Variants in BRCA2 observed in about 807,000 individuals in gnomAD.
The protein encoded by BRCA2 is breast cancer type 2 susceptibility protein.
BRCA2 carries 203 observed loss-of-function variants against 276.7 expected under a neutral mutation model. That is an observed-to-expected ratio of 0.73 (90% CI 0.65 to 0.82). BRCA2 has a LOEUF of 0.82. Ranked by LOEUF, BRCA2 falls within the 40% of genes least tolerant of loss-of-function variation. The probability of loss-of-function intolerance (pLI) is 0.00; values close to 1 mark genes in which losing one functional copy is unlikely to be tolerated. For missense variants in BRCA2, 3,920 were observed against 3,915.0 expected (o/e 1.00, Z -0.03); for synonymous variants, 1,289 against 1,338.4 (o/e 0.96, Z 0.81).
At chr13:32,322,146 ACCCATC>A (rs1179033690) in intron 3 of BRCA2, among the ~76,000 whole-genome samples, 1 of 152,170 alleles carries the variant, frequency 6.6e-6, no homozygotes, top group East Asian at 1.9e-4. Context: ...CCACCTGCTC[ACCCATC>A]CCTCCTCCTG....
At chr13:32,357,591 T>C in intron 15 of BRCA2, 151 bp from the exon 16 acceptor site, 1 of 742,664 alleles carries the variant, frequency 1.3e-6, no homozygotes, top group Non-Finnish European at 2.1e-6. Context: ...TAGTTTCTAG[T>C]AAATAACTTA....
chr13:32,392,772 G>T (rs1383162626), intron 24 of BRCA2, among the ~76,000 whole-genome samples: 1 of 151,984 alleles, frequency 6.6e-6, no homozygotes, highest in East Asian at 1.9e-4. Flanking sequence ...TACCCATACT[G>T]TAGATGTATT....
At position 32,338,622 on chromosome 13, in the gene BRCA2, A is replaced by G. The variant is rs779130725; in HGVS notation, c.4267A>G (p.Thr1423Ala). 1 of 1,597,086 alleles carries G rather than the reference A, an allele frequency of 6.3e-7. No individual in the cohort carries two copies. Among genetic ancestry groups the G allele is most frequent in the South Asian group, 1.1e-5 (1 of 88,190 alleles). Residue 1423 changes from threonine to alanine, a missense_variant, in exon 11 of 27, where the codon ACT becomes GCT. Thr to Ala is a moderately conservative substitution (Grantham distance 58, BLOSUM62 0). This residue lies in a region of BRCA2 where 3,263 missense variants were observed against 3,156.9 expected (regional missense o/e 1.03). Coordinates refer to ENST00000380152, the MANE Select transcript of BRCA2 (RefSeq NM_000059.4). The part of the protein sequence containing the change: ...KTEQNIKDFE[T>A]SDTFFQTASG... The stretch of plus-strand genomic sequence containing the variant: ...GGAGCAAAATATAAAAGATTTTGAG[A>G]CTTCTGATACATTTTTTCAGACTGC...
intron 18 of BRCA2, among the ~76,000 whole-genome samples, chr13:32,369,834 A>G (rs2072815186): frequency 6.6e-6 from 1 of 152,210 alleles, no homozygotes; most frequent in Non-Finnish European, 1.5e-5. Flanking sequence ...TCGGCCTCCC[A>G]AAGTGTTGGG....
rs1315646355 is a variant in BRCA2, at chr13:32,316,624, A to T, written c.67+97A>T. On this transcript the variant is annotated intron_variant, in intron 2 of 26. Coordinates refer to ENST00000380152, the MANE Select transcript of BRCA2 (RefSeq NM_000059.4). The stretch of plus-strand genomic sequence containing the variant: ...CCCAGTACGTCACAGTGTTGCTTAG[A>T]ACCATAAACTGTTCCTTATGTGTGT... 4 of 1,029,526 alleles carry T rather than the reference A, an allele frequency of 3.9e-6. No homozygotes were observed. The African/African-American group carries it at 6.4e-5, about 17-fold the overall frequency. 63.8% of individuals were successfully genotyped at this position (1,029,526 alleles called of 1,614,324 possible).
In BRCA2 at chr13:32,330,162, A is replaced by G. The variant is rs11571631; in HGVS notation, c.681+670A>G. On this transcript the variant is annotated intron_variant, in intron 8 of 26. Coordinates refer to ENST00000380152, the MANE Select transcript of BRCA2 (RefSeq NM_000059.4). ...TTACTGAAGTTTTCGTTTAGGCTCT[A>G]TGCTTTCTGGCGTAATATGTAGCTG... Among the ~76,000 whole-genome samples the G allele has an allele frequency of 7.8e-3, 1,186 of 152,274 alleles. 15 individuals are homozygous for G. Among genetic ancestry groups the G allele is most frequent in the African/African-American group, 0.027 (1,142 of 41,550 alleles).
chr13:32,342,577 C>A (rs1296903679), intron 11 of BRCA2, among the ~76,000 whole-genome samples: 2 of 152,138 alleles, frequency 1.3e-5, no homozygotes, highest in Non-Finnish European at 2.9e-5. Flanking sequence ...AGTATACTTA[C>A]ACAAACCTAG....
rs779020831 is a variant in BRCA2 at position 32,340,125 on chromosome 13, A to G, written c.5770A>G (p.Ile1924Val). The change falls in exon 11 of 27, where the codon ATT (isoleucine) becomes GTT (valine). Residue 1924 changes from isoleucine (I) to valine (V), a missense_variant. Physicochemically the swap from Ile to Val is conservative, Grantham distance 29. Around this residue, in one of 2 missense-constraint regions of BRCA2, gnomAD observed 3,263 missense variants for 3,156.9 expected, o/e 1.03. Coordinates refer to ENST00000380152, the MANE Select transcript of BRCA2 (RefSeq NM_000059.4). ...GCATTCACATAAGGTTTTTGCTGACATTCAGAGTGAAGAAATTTTACAACA... is the reference window on the plus strand; with the variant it reads ...GCATTCACATAAGGTTTTTGCTGACGTTCAGAGTGAAGAAATTTTACAACA... ...STHSHKVFAD[I>V]QSEEILQHNQ... The G allele has an allele frequency of 1.9e-6, 3 of 1,613,496 alleles. No homozygotes were observed. Among genetic ancestry groups the G allele is most frequent in the Non-Finnish European group, 2.5e-6 (3 of 1,179,708 alleles).
chr13:32,365,277 C>T (rs1331533150), intron 18 of BRCA2, among the ~76,000 whole-genome samples: 1 of 151,880 alleles, frequency 6.6e-6, no homozygotes, highest in Non-Finnish European at 1.5e-5. Flanking sequence ...GCTGGGATTA[C>T]AGACATGAAC....
At position 32,398,556 on chromosome 13, in the gene BRCA2, A is replaced by G. The variant is rs761094613; in HGVS notation, c.10043A>G (p.Asn3348Ser). The change falls in exon 27 of 27, where the codon AAT (asparagine) becomes AGT (serine). Residue 3348 changes from asparagine to serine, a missense_variant. By Grantham distance (46) the Asn-to-Ser change is conservative (BLOSUM62 1). Coordinates refer to ENST00000380152, the MANE Select transcript of BRCA2 (RefSeq NM_000059.4). ...SIADEELALI[N>S]TQALLSGSTG... The stretch of plus-strand genomic sequence containing the variant: ...GCTGACGAAGAACTTGCATTGATAA[A>G]TACCCAAGCTCTTTTGTCTGGTTCA... The G allele has an allele frequency of 1.2e-6, 2 of 1,614,194 alleles. No homozygotes were observed. The highest frequency in any genetic ancestry group is 4.5e-5 in the East Asian group (2 of 44,892).
intron 3 of BRCA2, among the ~76,000 whole-genome samples, chr13:32,320,288 A>G (rs921867726): frequency 2.0e-5 from 3 of 152,206 alleles, no homozygotes; most frequent in African/African-American, 4.8e-5. Context: ...CAAACCTTAG[A>G]TCACCTCCCT....
At chr13:32,354,515 C>T (rs1044319358) in intron 13 of BRCA2, among the ~76,000 whole-genome samples, 10 of 151,860 alleles carry the variant, frequency 6.6e-5, no homozygotes, top group African/African-American at 1.5e-4. Context: ...AGGTATTAGG[C>T]GGAGTAGAGA....
rs11451886 is a variant in BRCA2 at position 32,380,534 on chromosome 13, C to CTT, written c.9256+408_9256+409dup. Among the ~76,000 whole-genome samples, 500 of 101,610 alleles carry CTT rather than the reference C, an allele frequency of 4.9e-3. 3 individuals are homozygous for CTT. Among genetic ancestry groups the CTT allele is most frequent in the Middle Eastern group, 5.7e-3 (1 of 174 alleles). 66.7% of individuals were successfully genotyped at this position (101,610 alleles called of 152,430 possible). On this transcript the variant is annotated intron_variant, in intron 24 of 26. Transcript: ENST00000380152. ...GGCTATTTATTATCTCAGAGTCAAGCTTTTTTTTTTTTTTTTTTTTCCCCG... is the reference window on the plus strand; with the variant it reads ...GGCTATTTATTATCTCAGAGTCAAGCTTTTTTTTTTTTTTTTTTTTTTCCCCG...
At position 32,394,917 on chromosome 13, in the gene BRCA2, TGAA is replaced by T. The variant is rs1566259249; in HGVS notation, c.9486_9488del (p.Met3162_Lys3163delinsIle). Reference sequence around the variant, plus strand: ...CACTTTCAAGAGACATTCAACAAAATGAAAAATACTGTTGAGGTAAGGTTACTT... The same window carrying T: ...CACTTTCAAGAGACATTCAACAAAATAAATACTGTTGAGGTAAGGTTACTT... On this transcript the variant is annotated inframe_deletion, in exon 25 of 27. Transcript: ENST00000380152. 1.2e-6 allele frequency: 2 copies of T among 1,614,088 alleles called. No individual in the cohort carries two copies. Among genetic ancestry groups the T allele is most frequent in the Non-Finnish European group, 1.7e-6 (2 of 1,179,960 alleles).
chr13:32,379,677 T>A (rs2137621389), intron 22 of BRCA2, 73 bp from the exon 23 acceptor site: 1 of 1,554,468 alleles, frequency 6.4e-7, no homozygotes, highest in Non-Finnish European at 8.9e-7. Context: ...AGAGGATCTG[T>A]ATTTATTTTG....
rs762935810 is a variant in BRCA2, at chr13:32,398,417, A to G, written c.9904A>G (p.Arg3302Gly). 1.2e-6 allele frequency: 2 copies of G among 1,614,216 alleles called. No homozygotes were observed. The highest frequency in any genetic ancestry group is 1.7e-6 in the Non-Finnish European group (2 of 1,180,034). Residue 3302 changes from arginine to glycine, a missense_variant, in exon 27 of 27, where the codon AGG becomes GGG. By Grantham distance (125) the Arg-to-Gly change is moderately radical. Transcript: ENST00000380152. ...PAAQKAFQPPRSCGTKYETPI... is the reference protein window; with the variant it reads ...PAAQKAFQPPGSCGTKYETPI... ...TGCACAGAAGGCATTTCAGCCACCAAGGAGTTGTGGCACCAAATACGAAAC... is the reference window on the plus strand; with the variant it reads ...TGCACAGAAGGCATTTCAGCCACCAGGGAGTTGTGGCACCAAATACGAAAC...
At position 32,363,483 on chromosome 13, in the gene BRCA2, T is replaced by C. The variant is rs2137582581; in HGVS notation, c.8281T>C (p.Ser2761Pro). ...IILHGAELVG[S>P]PDACTPLEAP... is the part of the protein sequence containing the mutation. ...TCTTCATGGAGCAGAACTGGTGGGC[T>C]CTCCTGATGCCTGTACACCTCTTGA... The change falls in exon 18 of 27, where the codon TCT becomes CCT. Residue 2761 changes from serine to proline, a missense_variant. Ser to Pro is a moderately conservative substitution (Grantham distance 74). This residue lies in a region of BRCA2 where 3,263 missense variants were observed against 3,156.9 expected (regional missense o/e 1.03). Transcript: ENST00000380152. 6.2e-7 allele frequency: 1 copy of C among 1,614,066 alleles called. No homozygotes were observed. The highest frequency in any genetic ancestry group is 1.7e-5 in the Admixed American group (1 of 60,000).
Position 32,338,673 on chromosome 13 carries a change from A to C in BRCA2, c.4318A>C (p.Lys1440Gln), listed in dbSNP as rs80358668. ...AAGTGGGAAAAATATTAGTGTCGCC[A>C]AAGAGTCATTTAATAAAATTGTAAA... ...TASGKNISVA[K>Q]ESFNKIVNFF... The change falls in exon 11 of 27, where the codon AAA (lysine) becomes CAA (glutamine). Residue 1440 changes from lysine (K) to glutamine (Q), a missense_variant. Lys to Gln is a moderately conservative substitution (Grantham distance 53). Coordinates refer to ENST00000380152, the MANE Select transcript of BRCA2 (RefSeq NM_000059.4). The C allele has an allele frequency of 6.3e-7, 1 of 1,596,044 alleles. No individual in the cohort carries two copies. The highest frequency in any genetic ancestry group is 8.6e-7 in the Non-Finnish European group (1 of 1,169,302).
rs2137671380 is a variant in BRCA2 at position 32,399,484 on chromosome 13, T to A, written c.*714T>A. On this transcript the variant is annotated 3_prime_UTR_variant, in exon 27 of 27. Coordinates refer to ENST00000380152, the MANE Select transcript of BRCA2 (RefSeq NM_000059.4). ...TAAGTCAGCATGATTATAAGAAAAATAGAACCCTCAGTGTAACTCTAATTC... is the reference window on the plus strand; with the variant it reads ...TAAGTCAGCATGATTATAAGAAAAAAAGAACCCTCAGTGTAACTCTAATTC... The A allele has an allele frequency of 5.4e-6, 1 of 185,446 alleles. No homozygotes were observed. Among genetic ancestry groups the A allele is most frequent in the East Asian group, 8.7e-5 (1 of 11,454 alleles). 11.5% of individuals were successfully genotyped at this position (185,446 alleles called of 1,614,324 possible).
Sources: gnomAD v4.1 joint callset for allele counts (sites outside exome capture counted in the v4.1 genomes callset) on GRCh38, gnomAD v4.1.1 for gene constraint, gnomAD v4.1.1 regional missense constraint, MANE v1.5 for transcripts, NCBI Gene and HGNC (gene_info 2026-07-23, HGNC 2026-07-21) for gene names.